The following TRIM59 variants were observed in gnomAD, a reference collection of about 807,000 sequenced individuals.
The protein encoded by TRIM59 is tripartite motif containing 59, also known as tripartite motif-containing protein 59.
In TRIM59, 14 loss-of-function variants were observed where a neutral mutation model predicts 32.2. That is an observed-to-expected ratio of 0.43 (90% CI 0.29 to 0.68). TRIM59 has a LOEUF of 0.68. Among genes scored for constraint, TRIM59 ranks in the 30% least tolerant of loss-of-function variants. The pLI is 0.15. For missense variants in TRIM59, 471 were observed against 463.3 expected (o/e 1.02, Z -0.15); for synonymous variants, 163 against 155.1 (o/e 1.05, Z -0.38).
intron 2 of TRIM59, among the ~76,000 whole-genome samples, chr3:160,442,173 T>C (rs1275287490): frequency 6.6e-6 from 1 of 152,190 alleles, no homozygotes; most frequent in Non-Finnish European, 1.5e-5. Flanking sequence ...GTAGCAAAAC[T>C]AGTCCTAAAA....
At chr3:160,446,918 C>A (rs1393318924) in intron 2 of TRIM59, among the ~76,000 whole-genome samples, 2 of 152,068 alleles carry the variant, frequency 1.3e-5, no homozygotes, top group African/African-American at 2.4e-5. Flanking sequence ...CACCCACCCC[C>A]ACCCGTCCAC....
intron 2 of TRIM59, among the ~76,000 whole-genome samples, chr3:160,446,727 T>G (rs1028520866): frequency 2.6e-5 from 4 of 152,100 alleles, no homozygotes; most frequent in Non-Finnish European, 4.4e-5. Context: ...CAAGCCCACC[T>G]GAGCTCCGCC....
chr3:160,449,198 C>G (rs1194137111), intron 1 of TRIM59, among the ~76,000 whole-genome samples: 1 of 152,240 alleles, frequency 6.6e-6, no homozygotes, highest in Non-Finnish European at 1.5e-5. Context: ...GCTCATCTCT[C>G]TGTTCTGCCA....
In TRIM59 at chr3:160,449,755, A is replaced by C; in HGVS notation, c.-112T>G. ...CGGACCAGGCAACTCCACAGCACGG[A>C]AACACAGCGCCACGAGCTCCAGGCG... On this transcript the variant is annotated 5_prime_UTR_variant, in exon 1 of 3. Coordinates refer to ENST00000309784, the MANE Select transcript of TRIM59 (RefSeq NM_173084.3). The C allele has an allele frequency of 3.9e-6, 5 of 1,286,800 alleles. No homozygotes were observed. Among genetic ancestry groups the C allele is most frequent in the Admixed American group, 2.3e-5 (1 of 43,560 alleles). 79.7% of individuals were successfully genotyped at this position (1,286,800 alleles called of 1,614,324 possible).
Position 160,438,475 on chromosome 3 carries a change from C to A in TRIM59, c.709G>T (p.Ala237Ser), listed in dbSNP as rs748760452. 4 of 1,613,404 alleles carry A rather than the reference C, an allele frequency of 2.5e-6. No individual in the cohort carries two copies. The highest frequency in any genetic ancestry group is 1.3e-5 in the African/African-American group (1 of 75,014). Residue 237 changes from alanine (A) to serine (S), a missense_variant, in exon 3 of 3, where the codon GCA becomes TCA. Ala to Ser is a moderately conservative substitution (Grantham distance 99, BLOSUM62 1). Transcript: ENST00000309784. Reference protein sequence around the residue: ...EIREQQLELMALTISLQEESP... With the variant: ...EIREQQLELMSLTISLQEESP... ...TCTTCTTGTAAAGATATTGTCAGTGCCATTAATTCAAGCTGCTGCTCTCGT... is the reference window on the plus strand; with the variant it reads ...TCTTCTTGTAAAGATATTGTCAGTGACATTAATTCAAGCTGCTGCTCTCGT...
At position 160,437,653 on chromosome 3, in the gene TRIM59, TATAA is replaced by T; in HGVS notation, c.*315_*318del. ...ACTGTAAAGCCAATTAACTGCAGTA[TATAA>T]TAATGGTAAAAGACAATATTGGTAC... On this transcript the variant is annotated 3_prime_UTR_variant, in exon 3 of 3. Transcript: ENST00000309784. The T allele has an allele frequency of 9.9e-7, 1 of 1,011,838 alleles. No individual in the cohort carries two copies. The highest frequency in any genetic ancestry group is 4.6e-5 in the South Asian group (1 of 21,726). 62.7% of individuals were successfully genotyped at this position (1,011,838 alleles called of 1,614,324 possible).
intron 2 of TRIM59, among the ~76,000 whole-genome samples, chr3:160,441,821 G>A (rs955387353): frequency 2.7e-5 from 4 of 150,438 alleles, no homozygotes; most frequent in Non-Finnish European, 4.4e-5. Flanking sequence ...TTCAGATCCC[G>A]AATGAGCCAA....
At chr3:160,449,178 AGT>A (rs1719686330) in intron 1 of TRIM59, among the ~76,000 whole-genome samples, 1 of 152,244 alleles carries the variant, frequency 6.6e-6, no homozygotes, top group Non-Finnish European at 1.5e-5. Flanking sequence ...TAACTGATTT[AGT>A]ATAGTTTGCT....
At position 160,435,777 on chromosome 3, in the gene TRIM59, C is replaced by G; in HGVS notation, c.*2195G>C. The stretch of plus-strand genomic sequence containing the variant: ...ATTCTTACAGATTACAAACCCTTAC[C>G]AACATTAATCTTGGCCTACTTTAAA... On this transcript the variant is annotated 3_prime_UTR_variant, in exon 3 of 3. Transcript: ENST00000309784. 2.3e-6 allele frequency: 1 copy of G among 430,718 alleles called. No homozygotes were observed. The highest frequency in any genetic ancestry group is 1.8e-5 in the South Asian group (1 of 56,846). The allele number at this position is 430,718 out of a possible 1,614,324, so 26.7% of individuals were successfully genotyped here.
rs1380617419 is a variant in TRIM59 at position 160,435,773 on chromosome 3, T to C, written c.*2199A>G. The C allele has an allele frequency of 2.3e-6, 1 of 431,586 alleles. No individual in the cohort carries two copies. The highest frequency in any genetic ancestry group is 2.1e-5 in the African/African-American group (1 of 48,734). 26.7% of individuals were successfully genotyped at this position (431,586 alleles called of 1,614,324 possible). On this transcript the variant is annotated 3_prime_UTR_variant, in exon 3 of 3. Coordinates refer to ENST00000309784, the MANE Select transcript of TRIM59 (RefSeq NM_173084.3). The stretch of plus-strand genomic sequence containing the variant: ...TAGCATTCTTACAGATTACAAACCC[T>C]TACCAACATTAATCTTGGCCTACTT...
chr3:160,447,039 G>T (rs1719573659), intron 2 of TRIM59, among the ~76,000 whole-genome samples: 1 of 151,908 alleles, frequency 6.6e-6, no homozygotes, highest in Non-Finnish European at 1.5e-5. Flanking sequence ...AACGGAGATA[G>T]TTGATGGTGA....
At position 160,436,923 on chromosome 3, in the gene TRIM59, T is replaced by C; in HGVS notation, c.*1049A>G. Reference sequence around the variant, plus strand: ...AAGTCCACATGATGCCATCAAAACCTGTTGCAGACCAAGTTACCAACATGA... The same window carrying C: ...AAGTCCACATGATGCCATCAAAACCCGTTGCAGACCAAGTTACCAACATGA... On this transcript the variant is annotated 3_prime_UTR_variant, in exon 3 of 3. Transcript: ENST00000309784. 2 of 985,134 alleles carry C rather than the reference T, an allele frequency of 2.0e-6. No homozygotes were observed. The highest frequency in any genetic ancestry group is 2.4e-6 in the Non-Finnish European group (2 of 829,912). 61.0% of individuals were successfully genotyped at this position (985,134 alleles called of 1,614,324 possible). A position where few individuals can be genotyped will look rare whatever the true frequency, so the allele number is the denominator to read the frequency against.
chr3:160,448,847 C>A, intron 1 of TRIM59, 52 bp from the exon 2 acceptor site: 1 of 1,012,312 alleles, frequency 9.9e-7, no homozygotes, highest in Non-Finnish European at 1.3e-6. Context: ...TGTCTCATGT[C>A]ATAAAAATGG....
In TRIM59 at chr3:160,437,146, GT is replaced by G. The variant is rs1719017889; in HGVS notation, c.*825del. On this transcript the variant is annotated 3_prime_UTR_variant, in exon 3 of 3. Transcript: ENST00000309784. ...GTGGGCAGATCTCTTGAGCCCAGAAGTTTGAGACCAACCTGGGCAATATGGC... is the reference window on the plus strand; with the variant it reads ...GTGGGCAGATCTCTTGAGCCCAGAAGTTGAGACCAACCTGGGCAATATGGC... The G allele has an allele frequency of 1.2e-6, 1 of 842,996 alleles. No homozygotes were observed. The highest frequency in any genetic ancestry group is 1.8e-5 in the African/African-American group (1 of 54,202). 52.2% of individuals were successfully genotyped at this position (842,996 alleles called of 1,614,324 possible).
Position 160,435,673 on chromosome 3 carries a change from CA to C in TRIM59, c.*2298del, listed in dbSNP as rs1560021556. Reference sequence around the variant, plus strand: ...CTCAACTATATTCATGCATACTTAACAAAATGAAAAGTTCTCCTAAAAACTG... The same window carrying C: ...CTCAACTATATTCATGCATACTTAACAAATGAAAAGTTCTCCTAAAAACTG... On this transcript the variant is annotated 3_prime_UTR_variant, in exon 3 of 3. Coordinates refer to ENST00000309784, the MANE Select transcript of TRIM59 (RefSeq NM_173084.3). The C allele has an allele frequency of 4.0e-6, 1 of 251,370 alleles. No homozygotes were observed. The highest frequency in any genetic ancestry group is 8.1e-6 in the Non-Finnish European group (1 of 123,978). 15.6% of individuals were successfully genotyped at this position (251,370 alleles called of 1,614,324 possible). A position where few individuals can be genotyped will look rare whatever the true frequency, so the allele number is the denominator to read the frequency against.
Position 160,436,275 on chromosome 3 carries a change from G to A in TRIM59, c.*1697C>T, listed in dbSNP as rs1301505611. 5 of 989,566 alleles carry A rather than the reference G, an allele frequency of 5.1e-6. No individual in the cohort carries two copies. The highest frequency in any genetic ancestry group is 5.1e-4 in the Middle Eastern group (1 of 1,942). 61.3% of individuals were successfully genotyped at this position (989,566 alleles called of 1,614,324 possible). A position where few individuals can be genotyped will look rare whatever the true frequency, so the allele number is the denominator to read the frequency against. On this transcript the variant is annotated 3_prime_UTR_variant, in exon 3 of 3. Transcript: ENST00000309784. Reference sequence around the variant, plus strand: ...GTTTATGTGCAATCTGTAGGGCCAGGAGCATAGTCTAATCTGACCCAGAAT... The same window carrying A: ...GTTTATGTGCAATCTGTAGGGCCAGAAGCATAGTCTAATCTGACCCAGAAT...
Position 160,436,206 on chromosome 3 carries a change from A to G in TRIM59, c.*1766T>C, listed in dbSNP as rs62272246. 7 of 998,794 alleles carry G rather than the reference A, an allele frequency of 7.0e-6. No individual in the cohort carries two copies. The highest frequency in any genetic ancestry group is 7.2e-6 in the Non-Finnish European group (6 of 837,954). 61.9% of individuals were successfully genotyped at this position (998,794 alleles called of 1,614,324 possible). A position where few individuals can be genotyped will look rare whatever the true frequency, so the allele number is the denominator to read the frequency against. On this transcript the variant is annotated 3_prime_UTR_variant, in exon 3 of 3. Coordinates refer to ENST00000309784, the MANE Select transcript of TRIM59 (RefSeq NM_173084.3). ...GTGTTAAGACTTATTCTCAGCAGGTAAGAGTTTTAGAACTAGTTCCCTGAA... is the reference window on the plus strand; with the variant it reads ...GTGTTAAGACTTATTCTCAGCAGGTGAGAGTTTTAGAACTAGTTCCCTGAA...
In TRIM59 at chr3:160,438,723, T is replaced by C. The variant is rs1241582911; in HGVS notation, c.461A>G (p.Asp154Gly). Residue 154 changes from aspartate to glycine, a missense_variant, in exon 3 of 3, where the codon GAC becomes GGC. Transcript: ENST00000309784. ...ATGGGTAAGATCTGTCCAGTGTGTG[T>C]CAGTCAACTGTTCAAGCAGTTTTTG... ...TPQKLLEQLT[D>G]THWTDLTHLI... 3 of 1,613,966 alleles carry C rather than the reference T, an allele frequency of 1.9e-6. No individual in the cohort carries two copies. The highest frequency in any genetic ancestry group is 1.7e-5 in the Admixed American group (1 of 59,992).
intron 2 of TRIM59, among the ~76,000 whole-genome samples, chr3:160,441,184 C>T (rs1719218829): frequency 6.6e-6 from 1 of 152,134 alleles, no homozygotes. Flanking sequence ...AGCACTTTAA[C>T]AAGATTTTAT....
Sources: allele counts gnomAD v4.1 joint callset (sites outside exome capture counted in the v4.1 genomes callset), GRCh38; gene constraint gnomAD v4.1.1; transcripts MANE v1.5; gene names NCBI Gene and HGNC (gene_info 2026-07-23, HGNC 2026-07-21).